The following ROBO2 variants were observed in gnomAD, a reference collection of about 807,000 sequenced individuals.
ROBO2 encodes the protein roundabout guidance receptor 2.
ROBO2 carries 53 observed loss-of-function variants against 160.8 expected under a neutral mutation model. The observed-to-expected ratio is 0.33, with a 90% CI of 0.26 to 0.41. The LOEUF is 0.41. Ranked by LOEUF, ROBO2 falls within the 10% of genes least tolerant of loss-of-function variation. The pLI is 1.00. For missense variants in ROBO2, 1,577 were observed against 1,722.4 expected (o/e 0.92, Z 1.49); for synonymous variants, 664 against 611.7 (o/e 1.09, Z -1.26).
intron 2 of ROBO2, among the ~76,000 whole-genome samples, chr3:76,663,351 A>G: frequency 6.6e-6 from 1 of 152,222 alleles, no homozygotes; most frequent in East Asian, 1.9e-4. Context: ...TGCATGGCTC[A>G]GAAAAGATCT....
intron 2 of ROBO2, among the ~76,000 whole-genome samples, chr3:76,781,137 G>A (rs1383720708): frequency 1.3e-5 from 2 of 150,366 alleles, no homozygotes; most frequent in South Asian, 2.1e-4. Flanking sequence ...TACCTCCTTG[G>A]TTAAATGAAT....
chr3:77,625,278 C>T (rs776196952), intron 23 of ROBO2, among the ~76,000 whole-genome samples: 2 of 152,120 alleles, frequency 1.3e-5, no homozygotes, highest in African/African-American at 4.8e-5. Flanking sequence ...TATCGAATGC[C>T]TATTACTTCT....
chr3:76,102,366 G>A (rs1049867709), intron 2 of ROBO2, among the ~76,000 whole-genome samples: 6 of 151,982 alleles, frequency 3.9e-5, no homozygotes, highest in Non-Finnish European at 5.9e-5. Context: ...GTAAAATTTC[G>A]AAGGACATTT....
chr3:76,038,044 A>C (rs1426162685), intron 2 of ROBO2, among the ~76,000 whole-genome samples: 1 of 152,066 alleles, frequency 6.6e-6, no homozygotes, highest in Admixed American at 6.5e-5. Flanking sequence ...GGAAAGTTTC[A>C]GCAGAAGGGT....
chr3:76,747,436 A>G (rs879425800), intron 2 of ROBO2, among the ~76,000 whole-genome samples: 3 of 152,076 alleles, frequency 2.0e-5, no homozygotes, highest in Non-Finnish European at 4.4e-5. Context: ...TAAACTGTAT[A>G]TTTTGTTTTA....
At chr3:76,191,732 T>TA (rs201303683) in intron 2 of ROBO2, among the ~76,000 whole-genome samples, 2,118 of 151,776 alleles carry the variant, frequency 0.014, 53 homozygotes, top group African/African-American at 0.048. Context: ...TGATTTTTTT[T>TA]AAAAAAGAAG....
At chr3:75,942,490 A>G (rs1948102135) in intron 2 of ROBO2, among the ~76,000 whole-genome samples, 1 of 152,148 alleles carries the variant, frequency 6.6e-6, no homozygotes, top group Non-Finnish European at 1.5e-5. Context: ...AATAATTTGT[A>G]TGGAAAAATT....
intron 2 of ROBO2, among the ~76,000 whole-genome samples, chr3:76,527,090 GTCA>G (rs1460865466): frequency 6.6e-6 from 1 of 151,600 alleles, no homozygotes; most frequent in Non-Finnish European, 1.5e-5. Context: ...TCTACTTCAT[GTCA>G]TCATTACTTT....
At chr3:77,444,418 T>C (rs150553608) in intron 2 of ROBO2, among the ~76,000 whole-genome samples, 1 of 152,314 alleles carries the variant, frequency 6.6e-6, no homozygotes, top group African/African-American at 2.4e-5. Context: ...CATTAACTTG[T>C]GTCTCTGAAT....
intron 2 of ROBO2, among the ~76,000 whole-genome samples, chr3:77,374,562 A>G (rs1044250832): frequency 1.3e-5 from 2 of 151,954 alleles, no homozygotes; most frequent in African/African-American, 4.8e-5. Flanking sequence ...ATTACTGTTA[A>G]CTATAATTTA....
In ROBO2 at chr3:76,717,879, G is replaced by A. The variant is rs78505377; in HGVS notation, c.110-380135G>A. On this transcript the variant is annotated intron_variant, in intron 2 of 26. Transcript: ENST00000487694. Reference sequence around the variant, plus strand: ...TTATTTTTTAATCTCCCACCACAATGATTTCAAAACAGAAACTCATTAGAT... The same window carrying A: ...TTATTTTTTAATCTCCCACCACAATAATTTCAAAACAGAAACTCATTAGAT... Among the ~76,000 whole-genome samples, 1,471 of 152,198 alleles carry A rather than the reference G, an allele frequency of 9.7e-3. 16 individuals carry two copies. Among genetic ancestry groups the A allele is most frequent in the African/African-American group, 0.026 (1,070 of 41,530 alleles).
chr3:75,938,955 G>A (rs1188110389), intron 2 of ROBO2, among the ~76,000 whole-genome samples: 1 of 152,084 alleles, frequency 6.6e-6, no homozygotes, highest in African/African-American at 2.4e-5. Context: ...TTCACCAAAG[G>A]TCTAAAACAA....
chr3:75,968,503 G>T (rs1303665247), intron 2 of ROBO2, among the ~76,000 whole-genome samples: 1 of 151,268 alleles, frequency 6.6e-6, no homozygotes, highest in Non-Finnish European at 1.5e-5. Context: ...CATATTTAAG[G>T]CATACACATA....
chr3:77,432,939 A>G (rs2078924083), intron 2 of ROBO2, among the ~76,000 whole-genome samples: 1 of 152,168 alleles, frequency 6.6e-6, no homozygotes, highest in Non-Finnish European at 1.5e-5. Flanking sequence ...GACATAGTCT[A>G]AGAGACATAA....
intron 2 of ROBO2, among the ~76,000 whole-genome samples, chr3:76,401,546 A>G (rs1263996977): frequency 6.6e-6 from 1 of 151,584 alleles, no homozygotes; most frequent in Non-Finnish European, 1.5e-5. Context: ...TTAAGTAAGG[A>G]TGAGCAATTA....
At chr3:76,916,122 G>T (rs182916814) in intron 2 of ROBO2, among the ~76,000 whole-genome samples, 178 of 152,226 alleles carry the variant, frequency 1.2e-3, no homozygotes, top group African/African-American at 4.2e-3. Flanking sequence ...GTCCAAATCA[G>T]ATACATTAAG....
At chr3:77,529,523 C>A (rs2091465679) in intron 6 of ROBO2, among the ~76,000 whole-genome samples, 1 of 151,620 alleles carries the variant, frequency 6.6e-6, no homozygotes, top group South Asian at 2.1e-4. Context: ...ACCATGAGCA[C>A]TTGATTTATG....
rs545079115 is a variant in ROBO2, at chr3:77,278,080, A to G, written c.388+179740A>G. 2.6e-5 allele frequency among the ~76,000 whole-genome samples: 4 copies of G among 152,300 alleles called. No homozygotes were observed. The South Asian group carries it at 8.3e-4, about 32-fold the overall frequency. On this transcript the variant is annotated intron_variant, in intron 2 of 25. Coordinates refer to ENST00000461745, the Ensembl canonical transcript of ROBO2. The stretch of plus-strand genomic sequence containing the variant: ...TTTCTTTGTCTATTTCAGAAAGAGC[A>G]CAGGGGATGGGAAAAGATGAGAATA...
intron 2 of ROBO2, among the ~76,000 whole-genome samples, chr3:76,779,930 G>C (rs1265661078): frequency 2.0e-5 from 3 of 150,840 alleles, no homozygotes; most frequent in Admixed American, 6.6e-5. Flanking sequence ...GAGATTGTTG[G>C]ATCATATTGT....
Sources: gnomAD v4.1 joint callset for allele counts (sites outside exome capture counted in the v4.1 genomes callset) on GRCh38, gnomAD v4.1.1 for gene constraint, MANE v1.5 for transcripts, NCBI Gene and HGNC (gene_info 2026-07-23, HGNC 2026-07-21) for gene names.